AUTS2: variants seen among roughly 807,000 people sequenced by gnomAD.
The protein encoded by AUTS2 is autism susceptibility gene 2 protein.
AUTS2 carries 17 observed loss-of-function variants against 112.4 expected under a neutral mutation model. The observed-to-expected ratio is 0.15, with a 90% CI of 0.10 to 0.23. The LOEUF (loss-of-function observed/expected upper bound fraction) is 0.23. Ranked by LOEUF, AUTS2 falls within the 10% of genes least tolerant of loss-of-function variation. The pLI, the probability that AUTS2 is intolerant of heterozygous loss-of-function variation, is 1.00. For missense variants in AUTS2, 1,510 were observed against 1,701.6 expected, an observed-to-expected ratio of 0.89 and a Z score of 1.98; for synonymous variants, 751 against 702.7, an observed-to-expected ratio of 1.07 and a Z score of -1.09.
At chr7:70,516,900 A>G (rs1351182113) in intron 5 of AUTS2, among the ~76,000 whole-genome samples, 1 of 152,130 alleles carries the variant, frequency 6.6e-6, no homozygotes, top group East Asian at 1.9e-4. Flanking sequence ...TTGTTTGATC[A>G]TCTGTTTCCT....
intron 6 of AUTS2, among the ~76,000 whole-genome samples, chr7:70,714,210 T>C (rs1371800256): frequency 6.6e-6 from 1 of 152,220 alleles, no homozygotes; most frequent in Non-Finnish European, 1.5e-5. Context: ...AATTTTCAAC[T>C]CTAATTCAAT....
At chr7:70,358,035 C>T (rs960009584) in intron 4 of AUTS2, among the ~76,000 whole-genome samples, 5 of 152,126 alleles carry the variant, frequency 3.3e-5, no homozygotes, top group African/African-American at 4.8e-5. Flanking sequence ...CAGTCCACTC[C>T]GGATGACGTG....
At chr7:69,919,515 T>C (rs553266368) in intron 2 of AUTS2, among the ~76,000 whole-genome samples, 2 of 152,340 alleles carry the variant, frequency 1.3e-5, no homozygotes, top group African/African-American at 4.8e-5. Flanking sequence ...ATATGTTCAG[T>C]GAAGAAGATA....
chr7:70,461,230 G>T (rs1796949723), intron 5 of AUTS2, among the ~76,000 whole-genome samples: 1 of 152,110 alleles, frequency 6.6e-6, no homozygotes, highest in African/African-American at 2.4e-5. Flanking sequence ...TTTTCAAGTG[G>T]CATCATGGCT....
intron 2 of AUTS2, among the ~76,000 whole-genome samples, chr7:70,081,046 C>T (rs181643569): frequency 3.3e-4 from 50 of 152,196 alleles, no homozygotes; most frequent in Middle Eastern, 6.8e-3. Context: ...GCAGCTAATG[C>T]GTGAGGATTT....
At chr7:70,108,050 C>T (rs531704574) in intron 2 of AUTS2, among the ~76,000 whole-genome samples, 1 of 152,022 alleles carries the variant, frequency 6.6e-6, no homozygotes, top group African/African-American at 2.4e-5. Context: ...TGTGGTATAC[C>T]AGTTCAGTTC....
intron 5 of AUTS2, among the ~76,000 whole-genome samples, chr7:70,683,757 C>T (rs545921194): frequency 9.9e-4 from 151 of 152,330 alleles, no homozygotes; most frequent in African/African-American, 3.3e-3. Context: ...TATGTAACAG[C>T]GGCATATGAT....
chr7:70,553,104 T>C (rs1464013883), intron 5 of AUTS2, among the ~76,000 whole-genome samples: 1 of 152,214 alleles, frequency 6.6e-6, no homozygotes, highest in Non-Finnish European at 1.5e-5. Flanking sequence ...GCTCTGCTGT[T>C]CTCTTGTTTC....
rs547733778 is a variant in AUTS2, at chr7:70,576,187, C to T, written c.691-122382C>T. 7.2e-5 allele frequency among the ~76,000 whole-genome samples: 11 copies of T among 152,224 alleles called. No individual in the cohort carries two copies. In the South Asian group the frequency reaches 2.3e-3, roughly 32 times the overall value. On this transcript the variant is annotated intron_variant, in intron 5 of 18. Transcript: ENST00000342771. The stretch of plus-strand genomic sequence containing the variant: ...TAATCACCAACACCAGTGCACTGGG[C>T]AGGACTGTGAGTGAGCCTCAGTTTC...
intron 1 of AUTS2, among the ~76,000 whole-genome samples, chr7:69,773,794 G>A (rs570707057): frequency 6.6e-6 from 1 of 152,326 alleles, no homozygotes; most frequent in African/African-American, 2.4e-5. Flanking sequence ...GCGGGGTCCA[G>A]CCTTATGCTG....
intron 5 of AUTS2, among the ~76,000 whole-genome samples, chr7:70,668,429 G>A (rs1015576583): frequency 3.9e-5 from 6 of 152,348 alleles, no homozygotes; most frequent in Non-Finnish European, 7.3e-5. Context: ...CAAATTGCCA[G>A]CTCCCTGTGG....
intron 1 of AUTS2, among the ~76,000 whole-genome samples, chr7:69,601,295 A>AT (rs541650196): frequency 0.036 from 5,234 of 145,348 alleles, 111 homozygotes; most frequent in Middle Eastern, 0.058. Context: ...TTCCCTTTCC[A>AT]TTTTTTTTTT....
At chr7:69,895,012 C>T (rs1215411231) in intron 1 of AUTS2, among the ~76,000 whole-genome samples, 2 of 151,910 alleles carry the variant, frequency 1.3e-5, no homozygotes, top group African/African-American at 4.8e-5. Context: ...AGATAATTTC[C>T]CTCCCCATAT....
chr7:70,638,372 T>C (rs753615317), intron 5 of AUTS2, among the ~76,000 whole-genome samples: 1 of 152,134 alleles, frequency 6.6e-6, no homozygotes, highest in Non-Finnish European at 1.5e-5. Context: ...CTGAAGCAAG[T>C]TCAAAAGTGC....
Position 69,629,151 on chromosome 7 carries a change from CT to C in AUTS2, c.309+29193del, listed in dbSNP as rs374610693. Among the ~76,000 whole-genome samples, 289 of 151,336 alleles carry C rather than the reference CT, an allele frequency of 1.9e-3. 1 individual carries two copies. The highest frequency in any genetic ancestry group is 6.8e-3 in the African/African-American group (277 of 40,860). On this transcript the variant is annotated intron_variant, in intron 1 of 18. Transcript: ENST00000342771. ...CCCTTTTGCTACTTCAAGCAAGACA[CT>C]TTTGGGCCTCAAGATCTATAAAATA...
intron 2 of AUTS2, among the ~76,000 whole-genome samples, chr7:70,106,254 A>G (rs775233323): frequency 1.3e-5 from 2 of 152,238 alleles, no homozygotes; most frequent in African/African-American, 2.4e-5. Flanking sequence ...CATAATGTGA[A>G]TAAGTGACAC....
chr7:70,237,758 A>C (rs1584916709), intron 4 of AUTS2, among the ~76,000 whole-genome samples: 1 of 152,230 alleles, frequency 6.6e-6, no homozygotes, highest in African/African-American at 2.4e-5. Context: ...AACTTTCAGC[A>C]GAATTACTTT....
At chr7:70,461,053 A>C (rs1313136864) in intron 5 of AUTS2, among the ~76,000 whole-genome samples, 1 of 151,974 alleles carries the variant, frequency 6.6e-6, no homozygotes, top group Non-Finnish European at 1.5e-5. Context: ...ACCTTGAAAA[A>C]CCAACCCCTG....
intron 4 of AUTS2, among the ~76,000 whole-genome samples, chr7:70,339,958 A>G (rs1791180896): frequency 1.3e-5 from 2 of 152,188 alleles, no homozygotes; most frequent in African/African-American, 4.8e-5. Context: ...GATACTTTGA[A>G]AGGAAAAGAG....
Sources: gnomAD v4.1 joint callset for allele counts (sites outside exome capture counted in the v4.1 genomes callset) on GRCh38, gnomAD v4.1.1 for gene constraint, MANE v1.5 for transcripts, NCBI Gene and HGNC (gene_info 2026-07-23, HGNC 2026-07-21) for gene names.